Variants in ADCY5 observed in about 807,000 individuals in gnomAD.
The protein encoded by ADCY5 is adenylate cyclase type 5.
In ADCY5, 30 loss-of-function variants were observed where a neutral mutation model predicts 119.7. The ratio of observed to expected loss-of-function variants is 0.25; its 90% CI spans 0.19 to 0.34. The LOEUF is 0.34. Among genes scored for constraint, ADCY5 ranks in the 10% least tolerant of loss-of-function variants. ADCY5 has a pLI of 1.00. For synonymous variants in ADCY5, 753 were observed against 762.2 expected, an observed-to-expected ratio of 0.99 and a Z score of 0.20; for missense variants, 1,324 against 1,775.2, an observed-to-expected ratio of 0.75 and a Z score of 4.57.
chr3:123,400,533 G>A (rs969692876), intron 1 of ADCY5, among the ~76,000 whole-genome samples: 10 of 152,166 alleles, frequency 6.6e-5, no homozygotes. Flanking sequence ...TCTAATAATA[G>A]GAGAATGGGT....
At chr3:123,294,050 C>A (rs1319971356) in intron 17 of ADCY5, among the ~76,000 whole-genome samples, 1 of 152,120 alleles carries the variant, frequency 6.6e-6, no homozygotes, top group Non-Finnish European at 1.5e-5. Context: ...TGCACATGGG[C>A]CAAACCTAGG....
At chr3:123,321,529 T>TG (rs771460908) in intron 8 of ADCY5, among the ~76,000 whole-genome samples, 180 of 152,116 alleles carry the variant, frequency 1.2e-3, no homozygotes, top group Admixed American at 1.6e-3. Flanking sequence ...TTCCCCACTG[T>TG]GGGGAGGGGT....
intron 12 of ADCY5, among the ~76,000 whole-genome samples, chr3:123,307,203 A>G (rs1940244732): frequency 6.6e-6 from 1 of 152,244 alleles, no homozygotes; most frequent in African/African-American, 2.4e-5. Flanking sequence ...CTAGTGTATT[A>G]AAAGTTCATT....
intron 12 of ADCY5, among the ~76,000 whole-genome samples, chr3:123,313,610 TG>T (rs1461311509): frequency 6.6e-6 from 1 of 152,092 alleles, no homozygotes; most frequent in Non-Finnish European, 1.5e-5. Context: ...CAGACCAGAG[TG>T]ACCCAGAGCC....
At chr3:123,439,864 GA>G (rs1348451313) in intron 1 of ADCY5, among the ~76,000 whole-genome samples, 35 of 152,184 alleles carry the variant, frequency 2.3e-4, no homozygotes, top group Non-Finnish European at 4.9e-4. Context: ...CTGAAAGAAC[GA>G]CTTAATGATG....
In ADCY5 at chr3:123,283,550, T is replaced by C. The variant is rs868391682; in HGVS notation, c.*1058A>G. 1 of 152,184 alleles carries C rather than the reference T, an allele frequency of 6.6e-6. No individual in the cohort carries two copies. Among genetic ancestry groups the C allele is most frequent in the South Asian group, 2.1e-4 (1 of 4,832 alleles). The allele number at this position is 152,184 out of a possible 1,614,324, so 9.4% of individuals were successfully genotyped here. ...CATCCTCCTACTTAATCTGAGCATA[T>C]GGTACCCCAAAAGCACACACCCACT... On this transcript the variant is annotated 3_prime_UTR_variant, in exon 21 of 21. Transcript: ENST00000462833.
intron 3 of ADCY5, among the ~76,000 whole-genome samples, chr3:123,346,633 CTCTCTCTCTG>C (rs1279868834): frequency 5.2e-5 from 6 of 115,622 alleles, no homozygotes; most frequent in Non-Finnish European, 1.0e-4. Flanking sequence ...CTCTCTCTCT[CTCTCTCTCTG>C]TGTGTATGTG....
At chr3:123,346,765 T>G (rs1942588402) in intron 3 of ADCY5, among the ~76,000 whole-genome samples, 1 of 152,164 alleles carries the variant, frequency 6.6e-6, no homozygotes, top group Admixed American at 6.5e-5. Flanking sequence ...AGAGGACTCG[T>G]GAGTCCTAGG....
intron 1 of ADCY5, among the ~76,000 whole-genome samples, chr3:123,412,216 C>T (rs1945069196): frequency 6.6e-6 from 1 of 152,196 alleles, no homozygotes; most frequent in African/African-American, 2.4e-5. Context: ...GCCTCATAGG[C>T]CTCTCTAGCC....
chr3:123,283,622 A>AGG lies in ADCY5; in HGVS notation c.*984_*985dup, dbSNP rs1184589111. On this transcript the variant is annotated 3_prime_UTR_variant, in exon 21 of 21. Transcript: ENST00000462833. ...ACCCAAAACTGCCAAATCTGAAATG[A>AGG]GGGAAACACATCCTGTGTGAGACCA... 2.8e-4 allele frequency: 42 copies of AGG among 152,298 alleles called. No homozygotes were observed. The highest frequency in any genetic ancestry group is 9.2e-4 in the African/African-American group (38 of 41,486). The allele number at this position is 152,298 out of a possible 1,614,324, so 9.4% of individuals were successfully genotyped here. A position where few individuals can be genotyped will look rare whatever the true frequency, so the allele number is the denominator to read the frequency against.
chr3:123,384,919 C>A (rs1240151899), intron 1 of ADCY5, among the ~76,000 whole-genome samples: 2 of 152,152 alleles, frequency 1.3e-5, no homozygotes, highest in African/African-American at 4.8e-5. Context: ...CAAAGGAGGA[C>A]CAGCCCTTCA....
intron 1 of ADCY5, among the ~76,000 whole-genome samples, chr3:123,386,901 A>G (rs1309245263): frequency 6.6e-6 from 1 of 152,178 alleles, no homozygotes; most frequent in Non-Finnish European, 1.5e-5. Flanking sequence ...CCTCCAGCAG[A>G]AACCGGCCAC....
intron 1 of ADCY5, among the ~76,000 whole-genome samples, chr3:123,373,130 A>G (rs1482175290): frequency 6.6e-6 from 1 of 152,246 alleles, no homozygotes; most frequent in Non-Finnish European, 1.5e-5. Context: ...GTACCTCCAC[A>G]GCACCTAGCA....
At position 123,289,968 on chromosome 3, in the gene ADCY5, G is replaced by A. The variant is rs200511297; in HGVS notation, c.3328-14C>T. ...CTCGCTGATGATCTGGATGAAGGAG[G>A]CCAAACCTGGGTCACCCCAAGCCTG... is the stretch of plus-strand genomic sequence containing the variant. On this transcript the variant is annotated splice_polypyrimidine_tract_variant and intron_variant, in intron 18 of 20. Coordinates refer to ENST00000462833, the MANE Select transcript of ADCY5 (RefSeq NM_183357.3). 84 of 1,613,184 alleles carry A rather than the reference G, an allele frequency of 5.2e-5. No individual in the cohort carries two copies. Among genetic ancestry groups the A allele is most frequent in the Non-Finnish European group, 6.6e-5 (78 of 1,179,626 alleles).
At chr3:123,435,557 T>C (rs1267785107) in intron 1 of ADCY5, among the ~76,000 whole-genome samples, 1 of 152,182 alleles carries the variant, frequency 6.6e-6, no homozygotes, top group African/African-American at 2.4e-5. Context: ...AGAACCTGCA[T>C]GAGATGCCCC....
At chr3:123,332,035 CG>C (rs1307073989) in intron 4 of ADCY5, among the ~76,000 whole-genome samples, 1 of 152,150 alleles carries the variant, frequency 6.6e-6, no homozygotes, top group African/African-American at 2.4e-5. Context: ...AAGGAATGAA[CG>C]TGTCGTTCAC....
chr3:123,346,607 T>TTCGC (rs1553731596), intron 3 of ADCY5, among the ~76,000 whole-genome samples: 1 of 128,072 alleles, frequency 7.8e-6, no homozygotes, highest in Admixed American at 7.6e-5. Context: ...CAGCCTCACC[T>TTCGC]TCTCTCTCTC....
At chr3:123,378,200 T>G (rs1559848083) in intron 1 of ADCY5, among the ~76,000 whole-genome samples, 1 of 152,080 alleles carries the variant, frequency 6.6e-6, no homozygotes, top group Non-Finnish European at 1.5e-5. Context: ...ATCTTCACAG[T>G]CTGGCCAAAT....
intron 8 of ADCY5, among the ~76,000 whole-genome samples, 192 bp from the exon 9 acceptor site, chr3:123,320,963 G>C (rs890922756): frequency 6.6e-6 from 1 of 152,130 alleles, no homozygotes; most frequent in Non-Finnish European, 1.5e-5. Flanking sequence ...CTCCCTAAGA[G>C]ACAGGTGCTG....
Sources: gnomAD v4.1 joint callset for allele counts (sites outside exome capture counted in the v4.1 genomes callset) on GRCh38, gnomAD v4.1.1 for gene constraint, MANE v1.5 for transcripts, NCBI Gene and HGNC (gene_info 2026-07-23, HGNC 2026-07-21) for gene names.